FRMD1: variants seen among roughly 807,000 people sequenced by gnomAD.
The protein encoded by FRMD1 is FERM domain containing 1.
Under a neutral mutation model 54.9 loss-of-function variants are expected in FRMD1, and 51 were observed. The ratio of observed to expected loss-of-function variants is 0.93; its 90% CI spans 0.74 to 1.17. FRMD1 has a LOEUF of 1.17. FRMD1 is among the 50% of genes most tolerant of loss of function. FRMD1 has a pLI of 0.00. For missense variants in FRMD1, 729 were observed against 743.0 expected (o/e 0.98, Z 0.22); for synonymous variants, 324 against 306.4 (o/e 1.06, Z -0.60).
chr6:168,058,019 G>A (rs541746407), intron 10 of FRMD1, among the ~76,000 whole-genome samples: 1 of 152,252 alleles, frequency 6.6e-6, no homozygotes, highest in African/African-American at 2.4e-5. Context: ...CTGGCCCAGA[G>A]CTCAGGCGGC....
intron 1 of FRMD1, among the ~76,000 whole-genome samples, chr6:168,078,380 A>T (rs1800683806): frequency 6.6e-6 from 1 of 152,128 alleles, no homozygotes; most frequent in Non-Finnish European, 1.5e-5. Context: ...TTCTCACAGC[A>T]ACGTCTATCA....
chr6:168,057,518 G>T, intron 10 of FRMD1, 179 bp from the exon 11 acceptor site: 1 of 815,954 alleles, frequency 1.2e-6, no homozygotes, highest in Non-Finnish European at 1.8e-6. Flanking sequence ...TGCGAGAGAG[G>T]CTTGGCATCT....
chr6:168,070,315 AGAAG>A (rs1196563980), intron 2 of FRMD1, among the ~76,000 whole-genome samples: 2 of 63,422 alleles, frequency 3.2e-5, no homozygotes, highest in Admixed American at 1.7e-4. Flanking sequence ...AAGGAAAGAA[AGAAG>A]GAAGGAAGGA....
upstream of FRMD1, among the ~76,000 whole-genome samples, chr6:168,084,214 G>A (rs774959891): frequency 1.3e-5 from 2 of 152,186 alleles, no homozygotes; most frequent in Non-Finnish European, 2.9e-5. Context: ...AGCTTCTAGG[G>A]ATTAGACGGA....
At position 168,057,342 on chromosome 6, in the gene FRMD1, G is replaced by A. The variant is rs368617075; in HGVS notation, c.1408-3C>T. On this transcript the variant is annotated splice_region_variant and splice_polypyrimidine_tract_variant and intron_variant, in intron 10 of 10. Transcript: ENST00000283309. ...ACCCCGGCTGTCATTTCCTGGATCT[G>A]CGGGGAGAGGCCATGGGATGAGGCC... The A allele has an allele frequency of 4.4e-6, 7 of 1,608,876 alleles. No homozygotes were observed. In the South Asian group the frequency reaches 6.6e-5, roughly 15 times the overall value.
At chr6:168,080,641 G>A (rs1378642749), upstream of FRMD1, among the ~76,000 whole-genome samples, 1 of 152,176 alleles carries the variant, frequency 6.6e-6, no homozygotes, top group Non-Finnish European at 1.5e-5. Flanking sequence ...GTGGCAGAGG[G>A]CAGGCAGGGG....
Position 168,059,041 on chromosome 6 carries a change from T to A in FRMD1, c.1407+83A>T, listed in dbSNP as rs1799570757. 1.1e-5 allele frequency: 12 copies of A among 1,118,700 alleles called. No homozygotes were observed. The highest frequency in any genetic ancestry group is 1.4e-5 in the Non-Finnish European group (11 of 772,074). The allele number at this position is 1,118,700 out of a possible 1,614,324, so 69.3% of individuals were successfully genotyped here. On this transcript the variant is annotated intron_variant, in intron 10 of 10. Transcript: ENST00000283309. The surrounding 1 kb of genome is among the most constrained non-coding windows in gnomAD (Gnocchi z 4.4). Reference sequence around the variant, plus strand: ...GGACCCTCTGATAGGCCTAGGAAGGTCCCCAGGGCCCCTGACAGGGGACCT... The same window carrying A: ...GGACCCTCTGATAGGCCTAGGAAGGACCCCAGGGCCCCTGACAGGGGACCT...
In FRMD1 at chr6:168,057,070, C is replaced by G. The variant is rs9455942; in HGVS notation, c.*27G>C. 2.8e-6 allele frequency: 4 copies of G among 1,444,584 alleles called. No individual in the cohort carries two copies. The highest frequency in any genetic ancestry group is 3.7e-6 in the Non-Finnish European group (4 of 1,095,742). The allele number at this position is 1,444,584 out of a possible 1,614,324, so 89.5% of individuals were successfully genotyped here. ...TGGGCAGGGGCTGAGCCTGGCGGTG[C>G]GGACGGTACTGCTGGGTGGGTGGTG... On this transcript the variant is annotated 3_prime_UTR_variant, in exon 11 of 11. Coordinates refer to ENST00000283309, the MANE Select transcript of FRMD1 (RefSeq NM_024919.6).
upstream of FRMD1, among the ~76,000 whole-genome samples, chr6:168,084,202 C>CTAG (rs1297923579): frequency 6.6e-6 from 1 of 152,152 alleles, no homozygotes; most frequent in Non-Finnish European, 1.5e-5. Context: ...TGGGAGCTCC[C>CTAG]CAGCTTCTAG....
chr6:168,078,717 C>T (rs1310286829), intron 1 of FRMD1, among the ~76,000 whole-genome samples, 165 bp downstream of exon 1: 4 of 140,798 alleles, frequency 2.8e-5, no homozygotes, highest in African/African-American at 1.0e-4. Context: ...CCTATGGCCA[C>T]CCAGGGCCCT....
rs1799400251 is a variant in FRMD1, at chr6:168,056,291, C to T, written c.*806G>A. On this transcript the variant is annotated 3_prime_UTR_variant, in exon 11 of 11. Coordinates refer to ENST00000283309, the MANE Select transcript of FRMD1 (RefSeq NM_024919.6). ...TAGTCCCCCACTCTCCGTCTGTCAC[C>T]AAAGCTTCGCCCCTCCGCCAGCTGG... 1 of 152,480 alleles carries T rather than the reference C, an allele frequency of 6.6e-6. No homozygotes were observed. Among genetic ancestry groups the T allele is most frequent in the South Asian group, 2.1e-4 (1 of 4,838 alleles). The allele number at this position is 152,480 out of a possible 1,614,324, so 9.4% of individuals were successfully genotyped here.
Position 168,060,984 on chromosome 6 carries a change from G to T in FRMD1, c.1119C>A (p.Gly373=). The change falls in exon 9 of 11, where the codon GGC becomes GGA. Residue 373 remains glycine, a synonymous_variant. Coordinates refer to ENST00000283309, the MANE Select transcript of FRMD1 (RefSeq NM_024919.6). ...ELDLASRSFP[G]SGVSSQHCPH... ...GGCAGTGCTGGCTGCTGACCCCACT[G>T]CCCGGGAAGCTCCTGCTGGCCAGGT... The T allele has an allele frequency of 1.9e-6, 3 of 1,612,880 alleles. No homozygotes were observed. The highest frequency in any genetic ancestry group is 2.5e-6 in the Non-Finnish European group (3 of 1,179,920).
In FRMD1 at chr6:168,072,016, C is replaced by T. The variant is rs886685816; in HGVS notation, c.304+3229G>A. Among the ~76,000 whole-genome samples the T allele has an allele frequency of 2.0e-4, 30 of 152,382 alleles. 1 individual carries two copies. Among genetic ancestry groups the T allele is most frequent in the Admixed American group, 1.3e-3 (20 of 15,310 alleles). The stretch of plus-strand genomic sequence containing the variant: ...ATCTGGGCAGCTGATGACACGGACA[C>T]TGTGCCTCAGTCGAAAGGGAAACAG... On this transcript the variant is annotated intron_variant, in intron 2 of 10. Coordinates refer to ENST00000283309, the MANE Select transcript of FRMD1 (RefSeq NM_024919.6).
At chr6:168,089,476 T>C (rs990033025) in intron 1 of FRMD1, among the ~76,000 whole-genome samples, 1 of 152,152 alleles carries the variant, frequency 6.6e-6, no homozygotes, top group Non-Finnish European at 1.5e-5. Flanking sequence ...TCCTCTCCCA[T>C]GGGGAGCTGA....
chr6:168,069,443 A>T (rs940453180), intron 2 of FRMD1, among the ~76,000 whole-genome samples: 9 of 152,226 alleles, frequency 5.9e-5, no homozygotes, highest in Non-Finnish European at 1.2e-4. Flanking sequence ...GGTCTAGATC[A>T]CCATTCTCTG....
chr6:168,063,097 T>A, intron 6 of FRMD1, 138 bp from the exon 7 acceptor site: 1 of 718,434 alleles, frequency 1.4e-6, no homozygotes, highest in Non-Finnish European at 2.5e-6. Context: ...ACAGACAGTC[T>A]CATTCACTCC....
Position 168,075,931 on chromosome 6 carries a change from CCGG to C in FRMD1, c.214-599_214-597del, listed in dbSNP as rs1800574485. 3 of 157,094 alleles carry C rather than the reference CCGG, an allele frequency of 1.9e-5. No individual in the cohort carries two copies. In the East Asian group the frequency reaches 6.6e-4, roughly 34 times the overall value. The allele number at this position is 157,094 out of a possible 1,614,324, so 9.7% of individuals were successfully genotyped here. A position where few individuals can be genotyped will look rare whatever the true frequency, so the allele number is the denominator to read the frequency against. ...TTTCCGGTGCCCGGTGTCCACATTT[CCGG>C]TGCCCGGTGTCCACATTTCCGGTGT... On this transcript the variant is annotated intron_variant, in intron 1 of 10. Coordinates refer to ENST00000283309, the MANE Select transcript of FRMD1 (RefSeq NM_024919.6).
intron 1 of FRMD1, among the ~76,000 whole-genome samples, chr6:168,076,963 C>G (rs1432880936): frequency 6.6e-6 from 1 of 152,062 alleles, no homozygotes; most frequent in Non-Finnish European, 1.5e-5. Context: ...TAGAGGGTTC[C>G]TGTCCAACTG....
intron 1 of FRMD1, among the ~76,000 whole-genome samples, chr6:168,091,255 T>C (rs1801011398): frequency 6.6e-6 from 1 of 152,210 alleles, no homozygotes; most frequent in Non-Finnish European, 1.5e-5. Flanking sequence ...AGTGTGCGCC[T>C]TCCCGACACA....
Sources: allele counts gnomAD v4.1 joint callset (sites outside exome capture counted in the v4.1 genomes callset), GRCh38; gene constraint gnomAD v4.1.1; non-coding constraint Gnocchi (gnomAD v3.1); transcripts MANE v1.5; gene names NCBI Gene and HGNC (gene_info 2026-07-23, HGNC 2026-07-21).